The following SLC20A2 variants were observed in gnomAD, a reference collection of about 807,000 sequenced individuals.
The protein encoded by SLC20A2 is solute carrier family 20 member 2.
SLC20A2 carries 30 observed loss-of-function variants against 61.0 expected under a neutral mutation model. The ratio of observed to expected loss-of-function variants is 0.49; its 90% CI spans 0.37 to 0.67. SLC20A2 has a LOEUF of 0.67. SLC20A2 is among the 30% of genes least tolerant of loss of function. The probability of loss-of-function intolerance (pLI) is 0.00; values close to 1 mark genes in which losing one functional copy is unlikely to be tolerated. For synonymous variants in SLC20A2, 351 were observed against 353.3 expected, an observed-to-expected ratio of 0.99 and a Z score of 0.07; for missense variants, 626 against 866.4, an observed-to-expected ratio of 0.72 and a Z score of 3.48.
intron 5 of SLC20A2, among the ~76,000 whole-genome samples, chr8:42,445,918 T>G (rs1279300920): frequency 6.6e-6 from 1 of 152,218 alleles, no homozygotes; most frequent in African/African-American, 2.4e-5. Flanking sequence ...CCTAACCACA[T>G]ACACAGAACT....
intron 8 of SLC20A2, among the ~76,000 whole-genome samples, chr8:42,431,290 C>G (rs543568857): frequency 6.6e-6 from 1 of 152,144 alleles, no homozygotes; most frequent in Non-Finnish European, 1.5e-5. Context: ...GATATGGAGA[C>G]AGTTTGAGTG....
intron 4 of SLC20A2, among the ~76,000 whole-genome samples, chr8:42,462,206 G>A (rs1806763947): frequency 6.6e-6 from 1 of 152,104 alleles, no homozygotes; most frequent in African/African-American, 2.4e-5. Flanking sequence ...AGAGGGGTGT[G>A]CCTTCCAATA....
intron 9 of SLC20A2, among the ~76,000 whole-genome samples, chr8:42,429,746 T>C (rs1009312313): frequency 2.6e-5 from 4 of 152,180 alleles, no homozygotes; most frequent in African/African-American, 9.7e-5. Context: ...GTGCCCTCCC[T>C]GCCCACCTGC....
intron 1 of SLC20A2, among the ~76,000 whole-genome samples, chr8:42,477,893 C>CTTTCTTTTT (rs1554563244): frequency 1.4e-5 from 2 of 145,726 alleles, no homozygotes; most frequent in African/African-American, 5.0e-5. Context: ...TTGGCAATTT[C>CTTTCTTTTT]TTTTTTTTTT....
intron 1 of SLC20A2, among the ~76,000 whole-genome samples, chr8:42,480,251 T>A (rs1402855506): frequency 6.6e-6 from 1 of 152,220 alleles, no homozygotes; most frequent in Admixed American, 6.5e-5. Flanking sequence ...CCTAAGACTT[T>A]CAGGAAATAA....
chr8:42,448,032 T>C (rs537953058), intron 5 of SLC20A2, among the ~76,000 whole-genome samples: 1 of 152,364 alleles, frequency 6.6e-6, no homozygotes, highest in African/African-American at 2.4e-5. Context: ...GCGTCTGCTG[T>C]CCACCTTCAT....
In SLC20A2 at chr8:42,472,073, C is replaced by T; in HGVS notation, c.289+29G>A. On this transcript the variant is annotated intron_variant, in intron 2 of 10. Transcript: ENST00000520262. This position sits in a 1 kb window ranked among gnomAD's most constrained non-coding sequence, Gnocchi z 4.1. ...GGGAAGCGGGTCAGTGGGCGGATGT[C>T]CCATCGGTATAGAGAAGAGGCTACT... The T allele has an allele frequency of 6.2e-7, 1 of 1,601,502 alleles. No individual in the cohort carries two copies. The highest frequency in any genetic ancestry group is 8.5e-7 in the Non-Finnish European group (1 of 1,171,242).
chr8:42,439,488 T>C lies in SLC20A2; in HGVS notation c.896A>G (p.Glu299Gly). 1 of 1,614,000 alleles carries C rather than the reference T, an allele frequency of 6.2e-7. No homozygotes were observed. Among genetic ancestry groups the C allele is most frequent in the Non-Finnish European group, 8.5e-7 (1 of 1,180,034 alleles). The change falls in exon 7 of 11, where the codon GAA becomes GGA. Residue 299 changes from glutamate (E) to glycine (G), a missense_variant. Coordinates refer to ENST00000520262, the MANE Select transcript of SLC20A2 (RefSeq NM_001257180.2). ...GAAGETLGTS[E>G]GTSAGSHPRA... The stretch of plus-strand genomic sequence containing the variant: ...AGGGTGGCTGCCCGCAGAAGTGCCT[T>C]CCGAGGTCCCCAGTGTCTCCCCTGC...
chr8:42,478,689 C>T (rs911977887), intron 1 of SLC20A2, among the ~76,000 whole-genome samples: 1 of 152,110 alleles, frequency 6.6e-6, no homozygotes, highest in Non-Finnish European at 1.5e-5. Context: ...ACTCACGAAA[C>T]TGTTCACTCA....
intron 8 of SLC20A2, among the ~76,000 whole-genome samples, chr8:42,433,299 C>CCTA (rs1272350568): frequency 1.3e-5 from 2 of 152,152 alleles, no homozygotes; most frequent in Non-Finnish European, 2.9e-5. Flanking sequence ...CTGCTGTAGA[C>CCTA]AGCTCATAGA....
Position 42,437,474 on chromosome 8 carries a change from G to A in SLC20A2, c.1038C>T (p.Thr346=), listed in dbSNP as rs764382233. ...TGTAGAGCCCCGAGTCTTTGTGCAC[G>A]GTGTGGTACACATGACCGTCGCTCC... is the stretch of plus-strand genomic sequence containing the variant. ...HTRSDGHVYH[T]VHKDSGLYKD... The change falls in exon 8 of 11, where the codon ACC becomes ACT. Residue 346 remains threonine, a synonymous_variant. Coordinates refer to ENST00000520262, the MANE Select transcript of SLC20A2 (RefSeq NM_001257180.2). This position sits in a 1 kb window ranked among gnomAD's most constrained non-coding sequence, Gnocchi z 6.4. The A allele has an allele frequency of 1.4e-5, 23 of 1,614,112 alleles. No homozygotes were observed. Among genetic ancestry groups the A allele is most frequent in the South Asian group, 4.4e-5 (4 of 91,074 alleles).
intron 5 of SLC20A2, among the ~76,000 whole-genome samples, chr8:42,446,009 C>T (rs1249407046): frequency 6.6e-6 from 1 of 152,126 alleles, no homozygotes; most frequent in Non-Finnish European, 1.5e-5. Context: ...TTTTAAGAGA[C>T]AAGGTCTTGC....
rs186857984 is a variant in SLC20A2 at position 42,492,683 on chromosome 8, A to G, written c.-265+8348T>C. ...CAGATTCCTTTCAGTTTATCAAGGC[A>G]CTTGGTTTTCTTTTTTTTTTTTTGA... On this transcript the variant is annotated intron_variant, in intron 1 of 10. Coordinates refer to ENST00000520262, the MANE Select transcript of SLC20A2 (RefSeq NM_001257180.2). 7.9e-3 allele frequency among the ~76,000 whole-genome samples: 1,197 copies of G among 151,476 alleles called. 8 individuals are homozygous for G. The highest frequency in any genetic ancestry group is 0.028 in the African/African-American group (1,148 of 41,302).
chr8:42,450,517 C>T (rs190494621), intron 5 of SLC20A2, among the ~76,000 whole-genome samples: 4 of 150,920 alleles, frequency 2.7e-5, no homozygotes, highest in Admixed American at 2.6e-4. Context: ...GCATGAGCCA[C>T]TGCGCCCGGC....
chr8:42,439,711 T>C, intron 6 of SLC20A2, 58 bp from the exon 7 acceptor site: 2 of 1,256,084 alleles, frequency 1.6e-6, no homozygotes, highest in Non-Finnish European at 2.3e-6. Context: ...TATTGAAACA[T>C]GAATATTAAA....
At chr8:42,527,076 C>A (rs1009430011) in intron 1 of SLC20A2, among the ~76,000 whole-genome samples, 2 of 149,904 alleles carry the variant, frequency 1.3e-5, no homozygotes, top group Non-Finnish European at 2.9e-5. Flanking sequence ...TGCACTCCAG[C>A]CTGAGTAACA....
At chr8:42,505,719 G>A (rs551968312), upstream of SLC20A2, among the ~76,000 whole-genome samples, 7 of 151,832 alleles carry the variant, frequency 4.6e-5, no homozygotes, top group East Asian at 7.8e-4. Flanking sequence ...CTAATGTAGC[G>A]AAACCCCGTC....
At chr8:42,476,905 T>A (rs1808157536) in intron 1 of SLC20A2, among the ~76,000 whole-genome samples, 1 of 152,238 alleles carries the variant, frequency 6.6e-6, no homozygotes, top group Admixed American at 6.5e-5. Flanking sequence ...CTCCTGGCTA[T>A]GCAACCCTGG....
At chr8:42,452,287 G>A (rs1048547766) in intron 5 of SLC20A2, among the ~76,000 whole-genome samples, 3 of 147,344 alleles carry the variant, frequency 2.0e-5, no homozygotes, top group East Asian at 2.1e-4. Context: ...GATGGAACAG[G>A]AAGAGATGGA....
Sources: allele counts gnomAD v4.1 joint callset (sites outside exome capture counted in the v4.1 genomes callset), GRCh38; gene constraint gnomAD v4.1.1; non-coding constraint Gnocchi (gnomAD v3.1); transcripts MANE v1.5; gene names NCBI Gene and HGNC (gene_info 2026-07-23, HGNC 2026-07-21).